Variants in FRMD4B observed in about 807,000 individuals in gnomAD.
The protein encoded by FRMD4B is FERM domain-containing protein 4B.
In FRMD4B, 74 loss-of-function variants were observed where a neutral mutation model predicts 141.5. That is an observed-to-expected ratio of 0.52 (90% confidence interval 0.43 to 0.63). FRMD4B has a LOEUF of 0.63. Among genes scored for constraint, FRMD4B ranks in the 30% least tolerant of loss-of-function variants. The pLI is 0.00. For synonymous variants in FRMD4B, 506 were observed against 467.9 expected, an observed-to-expected ratio of 1.08 and a Z score of -1.05; for missense variants, 1,366 against 1,253.4, an observed-to-expected ratio of 1.09 and a Z score of -1.36.
chr3:69,291,693 C>T (rs1156843717), intron 4 of FRMD4B, among the ~76,000 whole-genome samples: 1 of 152,176 alleles, frequency 6.6e-6, no homozygotes, highest in African/African-American at 2.4e-5. Context: ...CCTATTTATT[C>T]TGCTAACAGC....
intron 7 of FRMD4B, among the ~76,000 whole-genome samples, chr3:69,225,224 G>A (rs1322638917): frequency 6.6e-6 from 1 of 152,122 alleles, no homozygotes; most frequent in Non-Finnish European, 1.5e-5. Context: ...TTGAATAGAA[G>A]ATGACTGGAA....
At chr3:69,175,769 CT>C (rs141059202) in intron 22 of FRMD4B, among the ~76,000 whole-genome samples, 34 of 88,088 alleles carry the variant, frequency 3.9e-4, no homozygotes, top group East Asian at 1.7e-3. Flanking sequence ...CTTTTCTTCT[CT>C]TTTTTTTTTT....
At chr3:69,195,812 A>T (rs180825503) in intron 14 of FRMD4B, among the ~76,000 whole-genome samples, 1 of 152,230 alleles carries the variant, frequency 6.6e-6, no homozygotes, top group Non-Finnish European at 1.5e-5. Flanking sequence ...TCATTTTAGT[A>T]AAGTTACATA....
chr3:69,229,320 C>A (rs541181846), intron 7 of FRMD4B, among the ~76,000 whole-genome samples: 36 of 152,206 alleles, frequency 2.4e-4, no homozygotes, highest in South Asian at 1.2e-3. Flanking sequence ...GCCACCATGG[C>A]CAGCCCCCCA....
chr3:69,302,388 T>C lies in FRMD4B; in HGVS notation c.371A>G (p.Asp124Gly). 4 of 1,609,902 alleles carry C rather than the reference T, an allele frequency of 2.5e-6. No homozygotes were observed. The highest frequency in any genetic ancestry group is 3.4e-6 in the Non-Finnish European group (4 of 1,177,602). The change falls in exon 4 of 23, where the codon GAT (aspartate) becomes GGT (glycine). Residue 124 changes from aspartate to glycine, a missense_variant. Physicochemically the swap from Asp to Gly is moderately conservative, Grantham distance 94 (BLOSUM62 -1). Transcript: ENST00000398540. ...GGTTGGGCCTGGTTTCTTGGGCAAA[T>C]CGTGGTCAAGAACTCGGTGATCTAA... ...LQLDHRVLDH[D>G]LPKKPGPTIL... is the part of the protein sequence containing the mutation.
chr3:69,431,720 G>A (rs1705183159), intron 2 of FRMD4B, among the ~76,000 whole-genome samples: 1 of 152,186 alleles, frequency 6.6e-6, no homozygotes, highest in South Asian at 2.1e-4. Flanking sequence ...GGTAGGGCAA[G>A]ATCTCCAGAG....
chr3:69,265,269 AATATAT>A lies in FRMD4B; in HGVS notation c.502-15176_502-15171del, dbSNP rs1175250592. Among the ~76,000 whole-genome samples, 122 of 23,398 alleles carry A rather than the reference AATATAT, an allele frequency of 5.2e-3. 2 individuals carry two copies. The highest frequency in any genetic ancestry group is 0.02 in the African/African-American group (118 of 6,018). The allele number at this position is 23,398 out of a possible 152,430, so 15.3% of individuals were successfully genotyped here. A position where few individuals can be genotyped will look rare whatever the true frequency, so the allele number is the denominator to read the frequency against. The stretch of plus-strand genomic sequence containing the variant: ...GACTCCATCTCAAAAAAAAAAAAAA[AATATAT>A]ATATATATATATATATATATATATA... On this transcript the variant is annotated intron_variant, in intron 5 of 22. Transcript: ENST00000398540.
intron 7 of FRMD4B, among the ~76,000 whole-genome samples, chr3:69,241,596 G>A (rs1225888660): frequency 6.6e-6 from 1 of 152,092 alleles, no homozygotes; most frequent in South Asian, 2.1e-4. Flanking sequence ...TTTGTGTTGG[G>A]ATACAAAAAA....
intron 3 of FRMD4B, among the ~76,000 whole-genome samples, chr3:69,305,404 T>G (rs1317187326): frequency 2.6e-5 from 4 of 152,242 alleles, no homozygotes; most frequent in African/African-American, 9.6e-5. Context: ...CTACTGCTTT[T>G]GTGTGTAAAA....
At chr3:69,272,439 C>T (rs550573652) in intron 5 of FRMD4B, among the ~76,000 whole-genome samples, 1 of 152,340 alleles carries the variant, frequency 6.6e-6, no homozygotes, top group Admixed American at 6.5e-5. Context: ...GGATTACAGG[C>T]ATAAGCCACT....
chr3:69,353,696 G>C (rs1264120124), intron 1 of FRMD4B: 4 of 984,860 alleles, frequency 4.1e-6, no homozygotes, highest in Non-Finnish European at 3.6e-6. Flanking sequence ...CTACAAGCCA[G>C]TGGAAGTAGG....
At position 69,181,586 on chromosome 3, in the gene FRMD4B, T is replaced by G; in HGVS notation, c.2164A>C (p.Ser722Arg). The G allele has an allele frequency of 6.2e-7, 1 of 1,613,912 alleles. No homozygotes were observed. Among genetic ancestry groups the G allele is most frequent in the Non-Finnish European group, 8.5e-7 (1 of 1,179,810 alleles). ...FSLSKSQRSSSTEILDDGSSY... is the reference protein window; with the variant it reads ...FSLSKSQRSSRTEILDDGSSY... ...GACCCGTCATCGAGGATTTCTGTGC[T>G]GCTGCTTCTTTGGGATTTGGAGAGG... Residue 722 changes from serine (S) to arginine (R), a missense_variant, in exon 21 of 23, where the codon AGC becomes CGC. Transcript: ENST00000398540.
At chr3:69,489,272 T>C (rs546570661) in intron 1 of FRMD4B, among the ~76,000 whole-genome samples, 1 of 149,390 alleles carries the variant, frequency 6.7e-6, no homozygotes, top group Non-Finnish European at 1.5e-5. Context: ...TATATGTATA[T>C]AAAATGTATA....
At chr3:69,536,546 G>C in intron 1 of FRMD4B, 5 of 700,884 alleles carry the variant, frequency 7.1e-6, no homozygotes, top group Middle Eastern at 2.9e-4. Flanking sequence ...GTGGGGAATA[G>C]GGGGGATGGT....
intron 1 of FRMD4B, among the ~76,000 whole-genome samples, chr3:69,374,871 G>T (rs4855399): frequency 0.3 from 45,506 of 152,008 alleles, 6,995 homozygotes; most frequent in African/African-American, 0.37. Context: ...AATGAGTCAA[G>T]GCTTCTGCAA....
chr3:69,344,832 A>G (rs1007707682), intron 1 of FRMD4B, among the ~76,000 whole-genome samples: 2 of 152,216 alleles, frequency 1.3e-5, no homozygotes, highest in Admixed American at 6.5e-5. Context: ...CTTACAAGAA[A>G]AAAAGAAAAA....
chr3:69,197,907 C>G (rs935195408), intron 12 of FRMD4B: 1 of 152,470 alleles, frequency 6.6e-6, no homozygotes, highest in African/African-American at 2.4e-5. Flanking sequence ...GGCGGATCAC[C>G]TGAGGTCAGG....
intron 1 of FRMD4B, among the ~76,000 whole-genome samples, chr3:69,345,739 T>A (rs1026314327): frequency 2.8e-4 from 43 of 152,184 alleles, no homozygotes; most frequent in African/African-American, 1.0e-3. Context: ...AGTGGACCTC[T>A]GGCACACTCC....
At chr3:69,360,199 C>G (rs928723617) in intron 1 of FRMD4B, among the ~76,000 whole-genome samples, 2 of 152,066 alleles carry the variant, frequency 1.3e-5, no homozygotes, top group African/African-American at 4.8e-5. Context: ...AGTGTCATAA[C>G]CACCTCCCAT....
Sources: gnomAD v4.1 joint callset for allele counts (sites outside exome capture counted in the v4.1 genomes callset) on GRCh38, gnomAD v4.1.1 for gene constraint, MANE v1.5 for transcripts, NCBI Gene and HGNC (gene_info 2026-07-23, HGNC 2026-07-21) for gene names.